The following AFG2A variants were observed in gnomAD, a reference collection of about 807,000 sequenced individuals.
The protein encoded by AFG2A is AAA ATPase AFG2A.
At chr4:123,180,956 A>G in the AFG2A span, among the ~76,000 whole-genome samples, 1 of 135,916 alleles carries the variant, frequency 7.4e-6, no homozygotes, top group Non-Finnish European at 1.6e-5. Flanking sequence ...ACCACCCTCT[A>G]TACTCTCTTC....
At chr4:122,962,545 G>A in the AFG2A span, among the ~76,000 whole-genome samples, 44 of 152,164 alleles carry the variant, frequency 2.9e-4, no homozygotes, top group Middle Eastern at 3.2e-3. Flanking sequence ...TTCAGAAAAA[G>A]AGGTGGTAGT....
chr4:123,169,184 TA>T, the AFG2A span, among the ~76,000 whole-genome samples: 1 of 152,134 alleles, frequency 6.6e-6, no homozygotes, highest in African/African-American at 2.4e-5. Context: ...AATGATCCTT[TA>T]AAAGGTAATA....
At chr4:122,936,746 G>A in the AFG2A span, among the ~76,000 whole-genome samples, 4 of 152,114 alleles carry the variant, frequency 2.6e-5, no homozygotes, top group Admixed American at 1.3e-4. Flanking sequence ...TTGGGAGACC[G>A]AGGCAGGCAG....
the AFG2A span, chr4:123,057,296 G>GCCTTAGC: frequency 1.2e-6 from 2 of 1,609,892 alleles, no homozygotes; most frequent in Non-Finnish European, 1.7e-6. Flanking sequence ...CAGGTAAGAA[G>GCCTTAGC]TATTTAATAG....
chr4:123,075,421 C>G, the AFG2A span, among the ~76,000 whole-genome samples: 2 of 151,894 alleles, frequency 1.3e-5, no homozygotes, highest in Non-Finnish European at 2.9e-5. Flanking sequence ...GCCTCAGCCT[C>G]TCGAGTAGCT....
the AFG2A span, among the ~76,000 whole-genome samples, chr4:123,192,334 A>G: frequency 6.6e-6 from 1 of 152,044 alleles, no homozygotes; most frequent in East Asian, 1.9e-4. Context: ...CTAAAATCGT[A>G]TTTTATTTTA....
the AFG2A span, among the ~76,000 whole-genome samples, chr4:123,121,433 T>C: frequency 6.6e-6 from 1 of 152,092 alleles, no homozygotes; most frequent in African/African-American, 2.4e-5. Flanking sequence ...AGCAAAGAGT[T>C]TACTCACTGA....
At chr4:123,173,842 G>A in the AFG2A span, among the ~76,000 whole-genome samples, 3 of 151,992 alleles carry the variant, frequency 2.0e-5, no homozygotes, top group African/African-American at 4.8e-5. Context: ...TAGAAAATTA[G>A]GAATAGAAGG....
At chr4:123,302,509 C>T in the AFG2A span, among the ~76,000 whole-genome samples, 4 of 151,606 alleles carry the variant, frequency 2.6e-5, no homozygotes, top group South Asian at 2.1e-4. Context: ...TGTGTATATG[C>T]GTGTGTATTT....
the AFG2A span, among the ~76,000 whole-genome samples, chr4:123,211,384 G>A: frequency 4.6e-5 from 7 of 152,208 alleles, no homozygotes; most frequent in Non-Finnish European, 8.8e-5. Context: ...TGGTGAGGTA[G>A]AAAAGGCCTT....
the AFG2A span, among the ~76,000 whole-genome samples, chr4:123,036,805 C>T: frequency 9.2e-5 from 14 of 152,138 alleles, no homozygotes; most frequent in Admixed American, 7.9e-4. Context: ...TGTTCTCTTC[C>T]CTGCCAGCCC....
chr4:123,029,769 C>T, the AFG2A span, among the ~76,000 whole-genome samples: 1 of 152,154 alleles, frequency 6.6e-6, no homozygotes, highest in Non-Finnish European at 1.5e-5. Context: ...TCCTGAGCAG[C>T]TAGGACTACA....
At chr4:123,107,541 G>T in the AFG2A span, among the ~76,000 whole-genome samples, 1 of 151,862 alleles carries the variant, frequency 6.6e-6, no homozygotes, top group African/African-American at 2.4e-5. Flanking sequence ...CTCACTCTGG[G>T]CCGAGGTCTC....
chr4:122,986,648 A>G, the AFG2A span, among the ~76,000 whole-genome samples: 1 of 152,180 alleles, frequency 6.6e-6, no homozygotes, highest in African/African-American at 2.4e-5. Flanking sequence ...TGCAGTGTAC[A>G]CTGCTCGGGT....
At chr4:123,132,194 T>A in the AFG2A span, among the ~76,000 whole-genome samples, 1 of 152,220 alleles carries the variant, frequency 6.6e-6, no homozygotes, top group African/African-American at 2.4e-5. Flanking sequence ...ATATACATTG[T>A]TATTAACTGT....
the AFG2A span, among the ~76,000 whole-genome samples, chr4:123,298,534 T>C: frequency 6.6e-6 from 1 of 152,224 alleles, no homozygotes; most frequent in Non-Finnish European, 1.5e-5. Context: ...ATGTCACAAC[T>C]GATTTCACAT....
At chr4:123,017,429 T>C in the AFG2A span, among the ~76,000 whole-genome samples, 1 of 126,128 alleles carries the variant, frequency 7.9e-6, no homozygotes, top group African/African-American at 3.6e-5. Context: ...TTTTTTTTTT[T>C]TTTTTTTTTT....
chr4:123,002,248 C>T, the AFG2A span, among the ~76,000 whole-genome samples: 1 of 152,016 alleles, frequency 6.6e-6, no homozygotes, highest in Non-Finnish European at 1.5e-5. Context: ...TGGGTCTTGA[C>T]TCTTTATCCA....
At chr4:123,003,938 C>A in the AFG2A span, among the ~76,000 whole-genome samples, 1 of 152,208 alleles carries the variant, frequency 6.6e-6, no homozygotes, top group Non-Finnish European at 1.5e-5. Flanking sequence ...AGGCAGGCCT[C>A]CTTGAGCTGT....
Sources: gnomAD v4.1 joint callset for allele counts (sites outside exome capture counted in the v4.1 genomes callset) on GRCh38, gnomAD v4.1.1 for gene constraint, MANE v1.5 for transcripts, NCBI Gene and HGNC (gene_info 2026-07-23, HGNC 2026-07-21) for gene names.